The following HMBOX1 variants were observed in gnomAD, a reference collection of about 807,000 sequenced individuals.
HMBOX1 encodes the protein homeobox containing 1, also known as homeobox-containing protein 1.
HMBOX1 carries 14 observed loss-of-function variants against 54.5 expected under a neutral mutation model. That is an observed-to-expected ratio of 0.26 (90% CI 0.17 to 0.40). The LOEUF is 0.40. HMBOX1 is among the 10% of genes least tolerant of loss of function. The probability of loss-of-function intolerance (pLI) is 1.00; values close to 1 mark genes in which losing one functional copy is unlikely to be tolerated. For missense variants in HMBOX1, 332 were observed against 514.4 expected (o/e 0.65, Z 3.43); for synonymous variants, 160 against 181.0 (o/e 0.88, Z 0.93).
In HMBOX1 at chr8:28,956,809, C is replaced by G. The variant is rs75417371; in HGVS notation, c.-57-7002C>G. On this transcript the variant is annotated intron_variant, in intron 1 of 9. Transcript: ENST00000287701. ...CTTAGTAGTTCTTAAACTGTCTGCT[C>G]TAACCCCATTAAAAAGTGGACAAAA... Among the ~76,000 whole-genome samples the G allele has an allele frequency of 5.7e-3, 870 of 152,288 alleles. 4 individuals are homozygous for G. The highest frequency in any genetic ancestry group is 0.02 in the African/African-American group (845 of 41,564).
intron 1 of HMBOX1, among the ~76,000 whole-genome samples, chr8:28,929,313 T>G (rs934049386): frequency 1.3e-5 from 2 of 152,114 alleles, no homozygotes; most frequent in Non-Finnish European, 2.9e-5. Flanking sequence ...GAAGGGTATG[T>G]TTGGAAAATC....
chr8:28,902,983 A>G lies in HMBOX1; in HGVS notation c.-58+12305A>G, dbSNP rs145491740. 1.0e-3 allele frequency among the ~76,000 whole-genome samples: 156 copies of G among 152,336 alleles called. 1 individual carries two copies. The highest frequency in any genetic ancestry group is 3.4e-3 in the African/African-American group (141 of 41,572). ...CTATGATGGTGTCATACTACCACTT[A>G]TATTTCTTTCTTTAACAATATATAA... is the stretch of plus-strand genomic sequence containing the variant. On this transcript the variant is annotated intron_variant, in intron 1 of 9. Coordinates refer to ENST00000287701, the MANE Select transcript of HMBOX1 (RefSeq NM_001135726.3).
At chr8:28,918,898 C>T (rs1345673053) in intron 1 of HMBOX1, among the ~76,000 whole-genome samples, 2 of 152,178 alleles carry the variant, frequency 1.3e-5, no homozygotes, top group African/African-American at 2.4e-5. Context: ...AGTCATAACC[C>T]TGTTTTAAAA....
chr8:28,933,718 G>A (rs1475118760), intron 1 of HMBOX1, among the ~76,000 whole-genome samples: 1 of 152,182 alleles, frequency 6.6e-6, no homozygotes, highest in African/African-American at 2.4e-5. Flanking sequence ...CAGATTTCTT[G>A]ATGGACACAA....
At chr8:29,001,609 T>G (rs1045228216) in intron 4 of HMBOX1, among the ~76,000 whole-genome samples, 9 of 152,014 alleles carry the variant, frequency 5.9e-5, no homozygotes, top group African/African-American at 1.4e-4. Flanking sequence ...ATTTAGGTAT[T>G]GACTGGAAAG....
At chr8:28,983,519 T>G (rs958692277) in intron 4 of HMBOX1, among the ~76,000 whole-genome samples, 1 of 152,264 alleles carries the variant, frequency 6.6e-6, no homozygotes, top group Non-Finnish European at 1.5e-5. Flanking sequence ...TTTCTGAAAT[T>G]AATTACACTT....
chr8:29,014,704 G>T (rs1834735320), intron 5 of HMBOX1, among the ~76,000 whole-genome samples: 1 of 152,004 alleles, frequency 6.6e-6, no homozygotes, highest in Non-Finnish European at 1.5e-5. Flanking sequence ...CCCCGAGATG[G>T]AGTATCACTC....
At chr8:29,044,493 A>T (rs1805294485) in intron 6 of HMBOX1, among the ~76,000 whole-genome samples, 1 of 152,166 alleles carries the variant, frequency 6.6e-6, no homozygotes, top group East Asian at 1.9e-4. Context: ...TCGTACTTTA[A>T]AAAGTGCAAA....
intron 4 of HMBOX1, among the ~76,000 whole-genome samples, chr8:28,985,419 C>A (rs978243627): frequency 6.6e-6 from 1 of 152,206 alleles, no homozygotes; most frequent in Non-Finnish European, 1.5e-5. Flanking sequence ...TTGAAAGTAA[C>A]AATTTCAACA....
intron 1 of HMBOX1, among the ~76,000 whole-genome samples, chr8:28,919,196 T>G (rs1433538490): frequency 6.6e-6 from 1 of 152,224 alleles, no homozygotes; most frequent in African/African-American, 2.4e-5. Flanking sequence ...CAGGACTCCC[T>G]TTGGCTACCA....
chr8:28,943,183 G>A (rs1396353004), intron 1 of HMBOX1, among the ~76,000 whole-genome samples: 1 of 152,138 alleles, frequency 6.6e-6, no homozygotes, highest in Non-Finnish European at 1.5e-5. Context: ...GTCTCTGGCT[G>A]GACCCAAGAA....
intron 6 of HMBOX1, among the ~76,000 whole-genome samples, chr8:29,023,319 A>G (rs995614199): frequency 2.0e-5 from 3 of 152,228 alleles, no homozygotes; most frequent in Non-Finnish European, 4.4e-5. Flanking sequence ...CAATTCATCT[A>G]TTTAAAGTGT....
chr8:28,960,032 A>T (rs957508357), intron 1 of HMBOX1, among the ~76,000 whole-genome samples: 1 of 151,074 alleles, frequency 6.6e-6, no homozygotes, highest in African/African-American at 2.4e-5. Flanking sequence ...TCTCTTTATT[A>T]GACTTTCTGT....
chr8:28,998,283 T>C (rs1325873420), intron 4 of HMBOX1, among the ~76,000 whole-genome samples: 3 of 152,214 alleles, frequency 2.0e-5, no homozygotes, highest in African/African-American at 4.8e-5. Context: ...TGTTGAATTA[T>C]CTCTTTCTGT....
chr8:28,960,747 C>T (rs1825328592), intron 1 of HMBOX1, among the ~76,000 whole-genome samples: 1 of 15,062 alleles, frequency 6.6e-5, no homozygotes, highest in Non-Finnish European at 1.3e-4. Context: ...AACTTATTCT[C>T]TTTTTCTTTT....
chr8:29,050,209 C>T, intron 9 of HMBOX1: 1 of 984,512 alleles, frequency 1.0e-6, no homozygotes, highest in Non-Finnish European at 1.2e-6. Flanking sequence ...AAGGGACTTA[C>T]CCTTTCCAAA....
intron 1 of HMBOX1, among the ~76,000 whole-genome samples, chr8:28,956,827 G>A (rs1189297340): frequency 6.6e-6 from 1 of 152,118 alleles, no homozygotes; most frequent in Non-Finnish European, 1.5e-5. Flanking sequence ...ATTAAAAAGT[G>A]GACAAAAGAC....
intron 3 of HMBOX1, among the ~76,000 whole-genome samples, chr8:28,979,095 A>G (rs1342095244): frequency 6.6e-6 from 1 of 152,218 alleles, no homozygotes; most frequent in East Asian, 1.9e-4. Context: ...ATAGGCGGTA[A>G]TTTGCTGACC....
At chr8:29,018,664 C>T in intron 5 of HMBOX1, 96 bp from the exon 6 acceptor site, 1 of 1,273,820 alleles carries the variant, frequency 7.9e-7, no homozygotes. Context: ...TGTCACTAAG[C>T]CAAAGACCAT....
Sources: gnomAD v4.1 joint callset for allele counts (sites outside exome capture counted in the v4.1 genomes callset) on GRCh38, gnomAD v4.1.1 for gene constraint, MANE v1.5 for transcripts, NCBI Gene and HGNC (gene_info 2026-07-23, HGNC 2026-07-21) for gene names.